The following SH3GLB1 variants were observed in gnomAD, a reference collection of about 807,000 sequenced individuals.
SH3GLB1 encodes SH3 domain containing GRB2 like, endophilin B1.
A neutral mutation model predicts 42.0 loss-of-function variants in SH3GLB1; 17 were observed. The ratio of observed to expected loss-of-function variants is 0.40; its 90% CI spans 0.28 to 0.61. The LOEUF (loss-of-function observed/expected upper bound fraction) is 0.61. Ranked by LOEUF, SH3GLB1 falls within the 20% of genes least tolerant of loss-of-function variation. SH3GLB1 has a pLI of 0.36. For missense variants in SH3GLB1, 355 were observed against 426.3 expected (o/e 0.83, Z 1.47); for synonymous variants, 132 against 146.6 (o/e 0.90, Z 0.72).
chr1:86,727,843 T>C (rs1313653081), intron 5 of SH3GLB1, among the ~76,000 whole-genome samples: 74 of 152,186 alleles, frequency 4.9e-4, no homozygotes. Flanking sequence ...AACTTAAGCA[T>C]TTCCACAGCA....
intron 1 of SH3GLB1, among the ~76,000 whole-genome samples, chr1:86,707,834 G>T (rs1221744770): frequency 5.9e-5 from 9 of 152,006 alleles, no homozygotes; most frequent in Non-Finnish European, 1.0e-4. Flanking sequence ...TTTTAGTAGA[G>T]ATGGGGTTTC....
chr1:86,710,756 C>G (rs990830103), intron 1 of SH3GLB1, among the ~76,000 whole-genome samples: 3 of 152,138 alleles, frequency 2.0e-5, no homozygotes, highest in African/African-American at 7.2e-5. Flanking sequence ...ATATTTGAAG[C>G]AAAACTCCAG....
chr1:86,706,316 TC>T (rs1324031466), intron 1 of SH3GLB1, among the ~76,000 whole-genome samples: 3 of 152,182 alleles, frequency 2.0e-5, no homozygotes, highest in African/African-American at 7.2e-5. Context: ...ACCTTAAAAA[TC>T]ATCTGGTTCA....
Position 86,748,156 on chromosome 1 carries a change from C to T in SH3GLB1, c.*4921C>T, listed in dbSNP as rs1656392483. The stretch of plus-strand genomic sequence containing the variant: ...TACTGTTCAATTTTTAGGTTTCCAA[C>T]TTTCATTAATAAAGTGCTTTAAAGA... On this transcript the variant is annotated 3_prime_UTR_variant, in exon 9 of 9. Coordinates refer to ENST00000370558, the MANE Select transcript of SH3GLB1 (RefSeq NM_016009.5). The T allele has an allele frequency of 6.6e-6, 1 of 151,628 alleles. No homozygotes were observed. Among genetic ancestry groups the T allele is most frequent in the African/African-American group, 2.4e-5 (1 of 41,276 alleles). The allele number at this position is 151,628 out of a possible 1,614,324, so 9.4% of individuals were successfully genotyped here.
intron 1 of SH3GLB1, among the ~76,000 whole-genome samples, chr1:86,710,444 T>C (rs1205837780): frequency 1.3e-5 from 2 of 152,160 alleles, no homozygotes; most frequent in African/African-American, 4.8e-5. Flanking sequence ...TTTGTATTTT[T>C]AGTAGAGACG....
intron 7 of SH3GLB1, among the ~76,000 whole-genome samples, chr1:86,737,459 C>G (rs886835060): frequency 6.6e-6 from 1 of 152,106 alleles, no homozygotes; most frequent in African/African-American, 2.4e-5. Context: ...AGAGCTTTTT[C>G]TTATCTTCAG....
intron 1 of SH3GLB1, among the ~76,000 whole-genome samples, chr1:86,710,441 T>G (rs1654141022): frequency 6.6e-6 from 1 of 152,138 alleles, no homozygotes; most frequent in South Asian, 2.1e-4. Context: ...AATTTTGTAT[T>G]TTTAGTAGAG....
chr1:86,728,319 A>G (rs896361468), intron 5 of SH3GLB1: 12 of 556,174 alleles, frequency 2.2e-5, no homozygotes, highest in African/African-American at 3.9e-5. Context: ...TACTTGTTTA[A>G]TGTGTTATTT....
intron 1 of SH3GLB1, among the ~76,000 whole-genome samples, chr1:86,708,811 C>A (rs962924890): frequency 2.6e-5 from 4 of 152,190 alleles, no homozygotes; most frequent in South Asian, 2.1e-4. Flanking sequence ...CCCTTACAAT[C>A]TGGTCCTTTC....
intron 1 of SH3GLB1, among the ~76,000 whole-genome samples, chr1:86,712,764 TAAAA>T (rs370562019): frequency 1.4e-3 from 202 of 146,464 alleles, no homozygotes; most frequent in African/African-American, 4.4e-3. Flanking sequence ...CTAAAATAGT[TAAAA>T]AAAAAAAACC....
At chr1:86,734,990 T>C in intron 6 of SH3GLB1, 89 bp from the exon 7 acceptor site, 1 of 935,858 alleles carries the variant, frequency 1.1e-6, no homozygotes. Context: ...TGAGTCTACC[T>C]CAGTACAATA....
intron 7 of SH3GLB1, among the ~76,000 whole-genome samples, chr1:86,739,767 A>G (rs1462199222): frequency 1.3e-5 from 2 of 152,156 alleles, no homozygotes; most frequent in Admixed American, 6.5e-5. Flanking sequence ...AAGAATTGCT[A>G]GAGTGATACC....
rs1357233606 is a variant in SH3GLB1, at chr1:86,746,587, G to A, written c.*3352G>A. The A allele has an allele frequency of 6.6e-6, 1 of 152,248 alleles. No homozygotes were observed. The highest frequency in any genetic ancestry group is 1.5e-5 in the Non-Finnish European group (1 of 68,118). The allele number at this position is 152,248 out of a possible 1,614,324, so 9.4% of individuals were successfully genotyped here. On this transcript the variant is annotated 3_prime_UTR_variant, in exon 9 of 9. Transcript: ENST00000370558. ...TACGCTCATTAGAAAGTCTACTCAGGGCTGGGTGCCGTGGCTCATGCCTGT... is the reference window on the plus strand; with the variant it reads ...TACGCTCATTAGAAAGTCTACTCAGAGCTGGGTGCCGTGGCTCATGCCTGT...
At position 86,747,400 on chromosome 1, in the gene SH3GLB1, T is replaced by A. The variant is rs1221188702; in HGVS notation, c.*4165T>A. On this transcript the variant is annotated 3_prime_UTR_variant, in exon 9 of 9. Transcript: ENST00000370558. ...TGAGTAATACTGTTGCACTCTAAGC[T>A]TGAGAACCACTGCAATAGAACTAAG... 6.6e-6 allele frequency: 1 copy of A among 152,378 alleles called. No homozygotes were observed. Among genetic ancestry groups the A allele is most frequent in the Non-Finnish European group, 1.5e-5 (1 of 68,040 alleles). The allele number at this position is 152,378 out of a possible 1,614,324, so 9.4% of individuals were successfully genotyped here.
In SH3GLB1 at chr1:86,748,059, T is replaced by C. The variant is rs1656387623; in HGVS notation, c.*4824T>C. On this transcript the variant is annotated 3_prime_UTR_variant, in exon 9 of 9. Coordinates refer to ENST00000370558, the MANE Select transcript of SH3GLB1 (RefSeq NM_016009.5). Reference sequence around the variant, plus strand: ...CTCAACAATACCATGACTGTCTTGCTGTGTCAAGTATATTTCTACATCTCT... The same window carrying C: ...CTCAACAATACCATGACTGTCTTGCCGTGTCAAGTATATTTCTACATCTCT... 1 of 152,240 alleles carries C rather than the reference T, an allele frequency of 6.6e-6. No individual in the cohort carries two copies. Among genetic ancestry groups the C allele is most frequent in the Admixed American group, 6.5e-5 (1 of 15,288 alleles). 9.4% of individuals were successfully genotyped at this position (152,240 alleles called of 1,614,324 possible).
At chr1:86,736,624 C>T (rs745448393) in intron 7 of SH3GLB1, among the ~76,000 whole-genome samples, 1 of 152,140 alleles carries the variant, frequency 6.6e-6, no homozygotes, top group Non-Finnish European at 1.5e-5. Flanking sequence ...TGCTTATACT[C>T]GCATTCTACT....
Position 86,715,059 on chromosome 1 carries a change from G to A in SH3GLB1, c.73-665G>A, listed in dbSNP as rs1654429530. On this transcript the variant is annotated intron_variant, in intron 1 of 8. Coordinates refer to ENST00000370558, the MANE Select transcript of SH3GLB1 (RefSeq NM_016009.5). ...AAGTTAGTCTATAAATAAATTGCTGGAACATATCCTCAGCAGCTTAAATGA... is the reference window on the plus strand; with the variant it reads ...AAGTTAGTCTATAAATAAATTGCTGAAACATATCCTCAGCAGCTTAAATGA... Among the ~76,000 whole-genome samples, 3 of 152,090 alleles carry A rather than the reference G, an allele frequency of 2.0e-5. No homozygotes were observed. The South Asian group carries it at 6.2e-4, about 32-fold the overall frequency.
chr1:86,728,179 A>C (rs1655301456), intron 5 of SH3GLB1, among the ~76,000 whole-genome samples: 1 of 152,052 alleles, frequency 6.6e-6, no homozygotes, highest in African/African-American at 2.4e-5. Context: ...AAAGTCAAGC[A>C]TCAACATATT....
At chr1:86,705,615 C>A (rs1205540253) in intron 1 of SH3GLB1, among the ~76,000 whole-genome samples, 1 of 152,114 alleles carries the variant, frequency 6.6e-6, no homozygotes, top group South Asian at 2.1e-4. Context: ...AGCTGTAGAT[C>A]AAGGAGAGAT....
Sources: allele counts gnomAD v4.1 joint callset (sites outside exome capture counted in the v4.1 genomes callset), GRCh38; gene constraint gnomAD v4.1.1; transcripts MANE v1.5; gene names NCBI Gene and HGNC (gene_info 2026-07-23, HGNC 2026-07-21).